The following LRPAP1 variants were observed in gnomAD, a reference collection of about 807,000 sequenced individuals.
The protein encoded by LRPAP1 is LDL receptor related protein associated protein 1.
LRPAP1 carries 41 observed loss-of-function variants against 39.9 expected under a neutral mutation model. That is an observed-to-expected ratio of 1.03 (90% confidence interval 0.80 to 1.33). The LOEUF (loss-of-function observed/expected upper bound fraction) is 1.33. Ranked by LOEUF, LRPAP1 falls within the 40% of genes most tolerant of loss-of-function variation. The probability of loss-of-function intolerance (pLI) is 0.00; values close to 1 mark genes in which losing one functional copy is unlikely to be tolerated. For synonymous variants in LRPAP1, 263 were observed against 212.7 expected, an observed-to-expected ratio of 1.24 and a Z score of -2.06; for missense variants, 565 against 482.3, an observed-to-expected ratio of 1.17 and a Z score of -1.61.
chr4:3,524,402 A>G (rs931299010), intron 2 of LRPAP1, among the ~76,000 whole-genome samples: 1 of 152,204 alleles, frequency 6.6e-6, no homozygotes, highest in Non-Finnish European at 1.5e-5. Context: ...TCAAGATGCT[A>G]GGGCAGACCT....
At position 3,508,289 on chromosome 4, in the gene LRPAP1, A is replaced by T. The variant is rs1459189614; in HGVS notation, c.*4685T>A. The T allele has an allele frequency of 6.6e-6, 1 of 152,220 alleles. No homozygotes were observed. Among genetic ancestry groups the T allele is most frequent in the Non-Finnish European group, 1.5e-5 (1 of 68,052 alleles). 9.4% of individuals were successfully genotyped at this position (152,220 alleles called of 1,614,324 possible). On this transcript the variant is annotated 3_prime_UTR_variant, in exon 8 of 8. Coordinates refer to ENST00000650182, the MANE Select transcript of LRPAP1 (RefSeq NM_002337.4). ...CCAAAGTGCTGGGATTACAAGCGTG[A>T]GCCACCATGCCAGGCCTCATGTCTA...
In LRPAP1 at chr4:3,512,988, G is replaced by A; in HGVS notation, c.1060C>T (p.His354Tyr). 6.2e-7 allele frequency: 1 copy of A among 1,611,788 alleles called. No homozygotes were observed. ...DLSGRISRAR[H>Y]NEL ...CCCCAATGCCTTCAGAGTTCGTTGT[G>A]CCGAGCTCTGGAGATCCTGCCGGAC... The change falls in exon 8 of 8, where the codon CAC becomes TAC. Residue 354 changes from histidine to tyrosine, a missense_variant. Transcript: ENST00000650182.
Position 3,514,789 on chromosome 4 carries a change from G to A in LRPAP1, c.974C>T (p.Ala325Val), listed in dbSNP as rs1239950309. 1 of 1,612,428 alleles carries A rather than the reference G, an allele frequency of 6.2e-7. No homozygotes were observed. Among genetic ancestry groups the A allele is most frequent in the Non-Finnish European group, 8.5e-7 (1 of 1,179,742 alleles). The change falls in exon 7 of 8, where the codon GCC (alanine) becomes GTC (valine). Residue 325 changes from alanine to valine, a missense_variant. Coordinates refer to ENST00000650182, the MANE Select transcript of LRPAP1 (RefSeq NM_002337.4). The stretch of plus-strand genomic sequence containing the variant: ...CTCCTTGGTCCGCCCCTCCAGCAGG[G>A]CGTGCTTCTCGCGGCTGCGGCTCAC... ...ERVSRSREKH[A>V]LLEGRTKELG...
In LRPAP1 at chr4:3,531,645, G is replaced by C. The variant is rs527723669; in HGVS notation, c.204+564C>G. ...CCGTACCCTCATCTCTCAAATGAAG[G>C]AGAGGTCAGGTGAGCGCCCTGTTAA... is the stretch of plus-strand genomic sequence containing the variant. On this transcript the variant is annotated intron_variant, in intron 1 of 7. Transcript: ENST00000650182. 9.2e-5 allele frequency among the ~76,000 whole-genome samples: 14 copies of C among 152,266 alleles called. 1 individual carries two copies. Among genetic ancestry groups the C allele is most frequent in the African/African-American group, 3.4e-4 (14 of 41,566 alleles).
chr4:3,526,608 G>C (rs1730085406), intron 1 of LRPAP1, among the ~76,000 whole-genome samples: 1 of 152,190 alleles, frequency 6.6e-6, no homozygotes. Flanking sequence ...GAGACCTCAG[G>C]AGGCCCAGCC....
intron 3 of LRPAP1, among the ~76,000 whole-genome samples, chr4:3,519,652 C>G (rs1403665662): frequency 6.6e-6 from 1 of 152,224 alleles, no homozygotes; most frequent in Admixed American, 6.5e-5. Context: ...CGCCTGGCCC[C>G]GCACCCTTCC....
rs1452315344 is a variant in LRPAP1, at chr4:3,532,371, C to G, written c.42G>C (p.Pro14=). 8 of 1,592,108 alleles carry G rather than the reference C, an allele frequency of 5.0e-6. No homozygotes were observed. The East Asian group carries it at 1.8e-4, about 36-fold the overall frequency. The change falls in exon 1 of 8, where the codon CCG becomes CCC. Residue 14 remains proline, a synonymous_variant. Transcript: ENST00000650182. ...GGAAGAGCAGCAGCAGTAGCAGCGC[C>G]GGGAGCCCGCGCAGAAACGACCTGA... is the stretch of plus-strand genomic sequence containing the variant. ...RRVRSFLRGL[P]ALLLLLLFLG... is the part of the protein sequence containing the mutation.
At chr4:3,518,575 A>T (rs1729803650) in intron 4 of LRPAP1, among the ~76,000 whole-genome samples, 2 of 152,130 alleles carry the variant, frequency 1.3e-5, no homozygotes, top group South Asian at 4.1e-4. Context: ...AGGACCCATC[A>T]GCGAAGCTCA....
In LRPAP1 at chr4:3,508,098, T is replaced by G. The variant is rs1304867673; in HGVS notation, c.*4876A>C. 6.6e-6 allele frequency: 1 copy of G among 152,174 alleles called. No homozygotes were observed. Among genetic ancestry groups the G allele is most frequent in the African/African-American group, 2.4e-5 (1 of 41,450 alleles). 9.4% of individuals were successfully genotyped at this position (152,174 alleles called of 1,614,324 possible). A position where few individuals can be genotyped will look rare whatever the true frequency, so the allele number is the denominator to read the frequency against. ...TCAGCTCACTGCAACCTCCACCTCC[T>G]GAGTTCAAGTGATTCTCCTGCCTCA... is the stretch of plus-strand genomic sequence containing the variant. On this transcript the variant is annotated 3_prime_UTR_variant, in exon 8 of 8. Coordinates refer to ENST00000650182, the MANE Select transcript of LRPAP1 (RefSeq NM_002337.4).
chr4:3,532,077 G>A (rs897447900), intron 1 of LRPAP1, 132 bp downstream of exon 1: 22 of 1,031,202 alleles, frequency 2.1e-5, no homozygotes, highest in Admixed American at 5.3e-5. Context: ...GCTGTGCCAA[G>A]GACAGGGCGC....
Position 3,510,601 on chromosome 4 carries a change from A to T in LRPAP1, c.*2373T>A, listed in dbSNP as rs1375436515. 1.3e-5 allele frequency: 2 copies of T among 152,280 alleles called. No homozygotes were observed. The highest frequency in any genetic ancestry group is 2.9e-5 in the Non-Finnish European group (2 of 68,046). 9.4% of individuals were successfully genotyped at this position (152,280 alleles called of 1,614,324 possible). ...GAAATGGATCCTGACTGCAACCCAC[A>T]CTGGAAACGTACACTCCTGAGTAGG... On this transcript the variant is annotated 3_prime_UTR_variant, in exon 8 of 8. Coordinates refer to ENST00000650182, the MANE Select transcript of LRPAP1 (RefSeq NM_002337.4).
Position 3,522,735 on chromosome 4 carries a change from G to A in LRPAP1, c.349+2172C>T, listed in dbSNP as rs1305056262. ...CCCCTGCCTGGGGAGGACGGACGCC[G>A]CCCCACACTCCCTGCCTGGGGAGTG... On this transcript the variant is annotated intron_variant, in intron 2 of 7. Coordinates refer to ENST00000650182, the MANE Select transcript of LRPAP1 (RefSeq NM_002337.4). Among the ~76,000 whole-genome samples the A allele has an allele frequency of 3.3e-5, 5 of 150,108 alleles. No homozygotes were observed. In the East Asian group the frequency reaches 6.0e-4, roughly 18 times the overall value.
At chr4:3,514,560 G>A (rs1169577275) in intron 7 of LRPAP1, among the ~76,000 whole-genome samples, 192 bp downstream of exon 7, 2 of 152,386 alleles carry the variant, frequency 1.3e-5, no homozygotes, top group East Asian at 3.9e-4. Flanking sequence ...ACAAGCCCGG[G>A]GGGCTCCCCT....
At chr4:3,526,975 G>A (rs1258633415) in intron 1 of LRPAP1, among the ~76,000 whole-genome samples, 1 of 152,218 alleles carries the variant, frequency 6.6e-6, no homozygotes, top group African/African-American at 2.4e-5. Context: ...ATGGTAAAAA[G>A]ATAGCAAACG....
rs1741549 is a variant in LRPAP1, at chr4:3,517,296, G to A, written c.751+738C>T. The stretch of plus-strand genomic sequence containing the variant: ...CCTCTGGGCAGACCATCCTGGAGAC[G>A]AGGCGGTGGCTCTGCCTGGCACCGG... On this transcript the variant is annotated intron_variant, in intron 5 of 7. Coordinates refer to ENST00000650182, the MANE Select transcript of LRPAP1 (RefSeq NM_002337.4). Among the ~76,000 whole-genome samples the A allele has an allele frequency of 3.7e-4, 56 of 152,298 alleles. 1 individual carries two copies. Among genetic ancestry groups the A allele is most frequent in the African/African-American group, 1.3e-3 (54 of 41,574 alleles).
intron 1 of LRPAP1, among the ~76,000 whole-genome samples, chr4:3,530,906 TCTATTTCGGGCTCC>T (rs1222554680): frequency 6.6e-6 from 1 of 151,130 alleles, no homozygotes; most frequent in African/African-American, 2.4e-5. Flanking sequence ...GGTCAGGGAG[TCTATTTCGGGCTCC>T]CCATTCCTCA....
rs780156971 is a variant in LRPAP1 at position 3,514,775 on chromosome 4, G to A, written c.988C>T (p.Arg330Trp). 3.7e-6 allele frequency: 6 copies of A among 1,610,794 alleles called. 1 individual carries two copies. Among genetic ancestry groups the A allele is most frequent in the South Asian group, 3.3e-5 (3 of 91,002 alleles). ...SREKHALLEG[R>W]TKELGYTVKK... Reference sequence around the variant, plus strand: ...ACCGTGTAGCCCAGCTCCTTGGTCCGCCCCTCCAGCAGGGCGTGCTTCTCG... The same window carrying A: ...ACCGTGTAGCCCAGCTCCTTGGTCCACCCCTCCAGCAGGGCGTGCTTCTCG... Residue 330 changes from arginine (R) to tryptophan (W), a missense_variant, in exon 7 of 8, where the codon CGG becomes TGG. Transcript: ENST00000650182.
At chr4:3,531,567 G>T (rs183841758) in intron 1 of LRPAP1, among the ~76,000 whole-genome samples, 7 of 152,134 alleles carry the variant, frequency 4.6e-5, no homozygotes, top group African/African-American at 1.4e-4. Context: ...CTGTTGTCCC[G>T]GGGGGCCCCA....
intron 1 of LRPAP1, among the ~76,000 whole-genome samples, chr4:3,528,304 G>C (rs553516415): frequency 6.6e-6 from 1 of 152,184 alleles, no homozygotes; most frequent in Non-Finnish European, 1.5e-5. Flanking sequence ...AAACGACGCC[G>C]GTCCTGTGTC....
Sources: gnomAD v4.1 joint callset for allele counts (sites outside exome capture counted in the v4.1 genomes callset) on GRCh38, gnomAD v4.1.1 for gene constraint, MANE v1.5 for transcripts, NCBI Gene and HGNC (gene_info 2026-07-23, HGNC 2026-07-21) for gene names.